The following CPQ variants were observed in gnomAD, a reference collection of about 807,000 sequenced individuals.
CPQ encodes carboxypeptidase Q.
CPQ carries 37 observed loss-of-function variants against 45.7 expected under a neutral mutation model. The ratio of observed to expected loss-of-function variants is 0.81; its 90% confidence interval spans 0.62 to 1.07. The LOEUF is 1.07. Ranked by LOEUF, CPQ falls within the 50% of genes least tolerant of loss-of-function variation. CPQ has a pLI of 0.00. For missense variants in CPQ, 537 were observed against 572.9 expected (o/e 0.94, Z 0.64); for synonymous variants, 186 against 205.8 (o/e 0.90, Z 0.82).
intron 1 of CPQ, among the ~76,000 whole-genome samples, chr8:96,699,895 G>A (rs1298056702): frequency 6.6e-6 from 1 of 152,174 alleles, no homozygotes; most frequent in Non-Finnish European, 1.5e-5. Flanking sequence ...AAAAGAAGAT[G>A]TGGGGTAGAG....
At chr8:96,723,927 C>G (rs2130764859) in intron 1 of CPQ, among the ~76,000 whole-genome samples, 1 of 152,150 alleles carries the variant, frequency 6.6e-6, no homozygotes, top group Admixed American at 6.5e-5. Flanking sequence ...AGGATCTGTA[C>G]TTTTCATTTT....
At chr8:96,728,084 T>C (rs1809867473) in intron 1 of CPQ, among the ~76,000 whole-genome samples, 1 of 152,134 alleles carries the variant, frequency 6.6e-6, no homozygotes, top group Non-Finnish European at 1.5e-5. Context: ...GGAGGAGACC[T>C]CATTGTGACA....
At chr8:96,991,449 T>C (rs1394282147) in intron 5 of CPQ, among the ~76,000 whole-genome samples, 1 of 151,730 alleles carries the variant, frequency 6.6e-6, no homozygotes, top group Admixed American at 6.6e-5. Flanking sequence ...CTGGCTACTC[T>C]AGAGGCTGAG....
chr8:96,871,531 GTTT>G (rs529360931), intron 3 of CPQ, among the ~76,000 whole-genome samples: 8,362 of 106,958 alleles, frequency 0.078, 743 homozygotes, highest in African/African-American at 0.24. Context: ...TTGCTTCCAG[GTTT>G]TTTTTTTTTT....
At chr8:96,685,953 C>A (rs1287080036) in intron 1 of CPQ, among the ~76,000 whole-genome samples, 6 of 152,016 alleles carry the variant, frequency 3.9e-5, no homozygotes. Context: ...TTTCTAGTTA[C>A]TCTATAATTT....
intron 2 of CPQ, among the ~76,000 whole-genome samples, chr8:96,792,963 A>G (rs940552377): frequency 6.6e-6 from 1 of 152,120 alleles, no homozygotes; most frequent in African/African-American, 2.4e-5. Context: ...CGAAGGGGAA[A>G]GATGGTTATA....
chr8:96,985,660 G>A (rs1808952260), intron 5 of CPQ, among the ~76,000 whole-genome samples: 1 of 152,170 alleles, frequency 6.6e-6, no homozygotes, highest in Non-Finnish European at 1.5e-5. Flanking sequence ...GGCATGTTCA[G>A]TGATCCTCAA....
chr8:96,933,972 A>G (rs141830322), intron 4 of CPQ, among the ~76,000 whole-genome samples: 26 of 152,342 alleles, frequency 1.7e-4, no homozygotes, highest in African/African-American at 6.0e-4. Context: ...ATGATTGCAG[A>G]AAATGTTCAC....
chr8:96,792,633 C>G (rs1810864078), intron 2 of CPQ, among the ~76,000 whole-genome samples: 1 of 152,068 alleles, frequency 6.6e-6, no homozygotes, highest in African/African-American at 2.4e-5. Context: ...TGAGTCTTAT[C>G]CATTTCTATA....
At chr8:96,686,689 T>TATGTTATAAATA (rs1809232594) in intron 1 of CPQ, among the ~76,000 whole-genome samples, 1 of 152,062 alleles carries the variant, frequency 6.6e-6, no homozygotes, top group Non-Finnish European at 1.5e-5. Context: ...TGTGGATTTA[T>TATGTTATAAATA]ATGTTATAAA....
intron 4 of CPQ, among the ~76,000 whole-genome samples, chr8:96,928,681 T>C (rs377397551): frequency 7.8e-4 from 119 of 152,288 alleles, no homozygotes; most frequent in African/African-American, 2.8e-3. Flanking sequence ...CTGTGCTCTG[T>C]AGAGCTGCCA....
rs113140419 is a variant in CPQ at position 96,812,327 on chromosome 8, T to C, written c.434-22646T>C. ...TCCCAGCCATTCATGTTTAAATACATTTAAGTTTACATTAATTTTTAAAAG... is the reference window on the plus strand; with the variant it reads ...TCCCAGCCATTCATGTTTAAATACACTTAAGTTTACATTAATTTTTAAAAG... On this transcript the variant is annotated intron_variant, in intron 2 of 7. Transcript: ENST00000220763. 1.5e-3 allele frequency among the ~76,000 whole-genome samples: 234 copies of C among 152,264 alleles called. 1 individual carries two copies. Among genetic ancestry groups the C allele is most frequent in the African/African-American group, 5.5e-3 (229 of 41,574 alleles).
intron 4 of CPQ, among the ~76,000 whole-genome samples, chr8:96,942,443 G>A (rs1813137045): frequency 1.3e-5 from 2 of 152,230 alleles, no homozygotes; most frequent in East Asian, 1.9e-4. Flanking sequence ...GAGATTTGTA[G>A]TTTTGGTTTC....
chr8:96,878,175 C>T (rs370098067), intron 3 of CPQ, among the ~76,000 whole-genome samples: 1 of 152,104 alleles, frequency 6.6e-6, no homozygotes, highest in East Asian at 1.9e-4. Flanking sequence ...CCCATGTTGG[C>T]CAGGATGGTC....
chr8:96,961,141 T>A (rs1301818424), intron 4 of CPQ, among the ~76,000 whole-genome samples: 1 of 152,208 alleles, frequency 6.6e-6, no homozygotes, highest in African/African-American at 2.4e-5. Context: ...CTTAATTATT[T>A]TAACAATTTT....
intron 4 of CPQ, among the ~76,000 whole-genome samples, chr8:96,965,704 A>G (rs1314523652): frequency 6.6e-6 from 1 of 152,192 alleles, no homozygotes; most frequent in African/African-American, 2.4e-5. Flanking sequence ...TTATATTAAT[A>G]AAGAAAGGTA....
chr8:97,040,052 C>T (rs1353702450), intron 6 of CPQ, among the ~76,000 whole-genome samples: 14 of 150,442 alleles, frequency 9.3e-5, no homozygotes, highest in Admixed American at 2.6e-4. Context: ...CCTGAGGAAT[C>T]GCCACACTGA....
chr8:96,868,036 A>G (rs1361828898), intron 3 of CPQ, among the ~76,000 whole-genome samples: 1 of 151,976 alleles, frequency 6.6e-6, no homozygotes, highest in East Asian at 1.9e-4. Flanking sequence ...AACCAATGAG[A>G]TGTGAGTAGA....
At chr8:96,990,349 C>T (rs912159662) in intron 5 of CPQ, among the ~76,000 whole-genome samples, 2 of 152,192 alleles carry the variant, frequency 1.3e-5, no homozygotes, top group African/African-American at 4.8e-5. Flanking sequence ...CACCTACTGC[C>T]AGGCCAAGTG....
Sources: allele counts gnomAD v4.1 joint callset (sites outside exome capture counted in the v4.1 genomes callset), GRCh38; gene constraint gnomAD v4.1.1; transcripts MANE v1.5; gene names NCBI Gene and HGNC (gene_info 2026-07-23, HGNC 2026-07-21).